The following ROBO1 variants were observed in gnomAD, a reference collection of about 807,000 sequenced individuals.
ROBO1 encodes the protein roundabout guidance receptor 1.
ROBO1 carries 149 observed loss-of-function variants against 195.9 expected under a neutral mutation model. The observed-to-expected ratio is 0.76, with a 90% confidence interval of 0.67 to 0.87. The LOEUF is 0.87. ROBO1 is among the 40% of genes least tolerant of loss of function. The pLI, the probability that ROBO1 is intolerant of heterozygous loss-of-function variation, is 0.00. For missense variants in ROBO1, 1,933 were observed against 2,068.3 expected (o/e 0.93, Z 1.27); for synonymous variants, 816 against 733.2 (o/e 1.11, Z -1.82).
rs187865220 is a variant in ROBO1 at position 79,330,784 on chromosome 3, G to C, written c.89-205245C>G. On this transcript the variant is annotated intron_variant, in intron 2 of 30. Transcript: ENST00000464233. ...GGAAATAAGACATTTTGTAGTTAAAGGGACTGGCCTTATAGTTTGAAACTC... is the reference window on the plus strand; with the variant it reads ...GGAAATAAGACATTTTGTAGTTAAACGGACTGGCCTTATAGTTTGAAACTC... 4.0e-5 allele frequency among the ~76,000 whole-genome samples: 6 copies of C among 151,848 alleles called. 1 individual carries two copies. The highest frequency in any genetic ancestry group is 3.9e-4 in the Admixed American group (6 of 15,248).
chr3:78,615,458 A>G (rs1704059256), intron 27 of ROBO1, among the ~76,000 whole-genome samples: 1 of 152,160 alleles, frequency 6.6e-6, no homozygotes, highest in Admixed American at 6.6e-5. Flanking sequence ...GAAGAGGTAG[A>G]TGTTTGGTTT....
chr3:79,605,185 A>T (rs1022028008), intron 1 of ROBO1, among the ~76,000 whole-genome samples: 1 of 151,754 alleles, frequency 6.6e-6, no homozygotes, highest in Non-Finnish European at 1.5e-5. Flanking sequence ...CTGTTTTCTC[A>T]TATACTCCTT....
At chr3:78,988,180 G>GCT (rs1329888198) in intron 3 of ROBO1, among the ~76,000 whole-genome samples, 1 of 151,924 alleles carries the variant, frequency 6.6e-6, no homozygotes, top group Non-Finnish European at 1.5e-5. Flanking sequence ...TTAAAATCTT[G>GCT]CTCTCTCTCT....
chr3:78,695,631 AAAAAAAAAAAAAG>A (rs2081271298), intron 8 of ROBO1, among the ~76,000 whole-genome samples: 1 of 149,990 alleles, frequency 6.7e-6, no homozygotes, highest in African/African-American at 2.4e-5. Context: ...GTCTCAAAAA[AAAAAAAAAAAAAG>A]AAAAGAAAAC....
At position 79,240,067 on chromosome 3, in the gene ROBO1, C is replaced by A. The variant is rs554527533; in HGVS notation, c.89-114528G>T. ...TTTCTTGTGGTGAGAATATTTAAAG[C>A]CTTTTAGCAATGTTTAGGTATGTAG... On this transcript the variant is annotated intron_variant, in intron 2 of 30. Coordinates refer to ENST00000464233, the MANE Select transcript of ROBO1 (RefSeq NM_002941.4). Among the ~76,000 whole-genome samples, 16 of 152,040 alleles carry A rather than the reference C, an allele frequency of 1.1e-4. No homozygotes were observed. The South Asian group carries it at 3.1e-3, about 30-fold the overall frequency.
At chr3:78,959,449 G>T (rs931198539) in intron 3 of ROBO1, among the ~76,000 whole-genome samples, 1 of 151,906 alleles carries the variant, frequency 6.6e-6, no homozygotes, top group African/African-American at 2.4e-5. Flanking sequence ...AAAACCAGAG[G>T]AATAATAATT....
chr3:79,214,680 C>G (rs1361927949), intron 2 of ROBO1, among the ~76,000 whole-genome samples: 1 of 150,236 alleles, frequency 6.7e-6, no homozygotes, highest in East Asian at 2.0e-4. Context: ...AGTGCTGGTG[C>G]TTTTATTTCT....
Position 78,614,771 on chromosome 3 carries a change from G to C in ROBO1, c.4312C>G (p.Pro1438Ala). ...GTAGACACGGGACTTGTGGGCCTAG[G>C]GCACTGAGACGCATGAAAATGTCGA... is the stretch of plus-strand genomic sequence containing the variant. Reference protein sequence around the residue: ...GRRHFHASQCPRPTSPVSTDS... With the variant: ...GRRHFHASQCARPTSPVSTDS... Residue 1438 changes from proline (P) to alanine (A), a missense_variant, in exon 28 of 31, where the codon CCT becomes GCT. By Grantham distance (27) the Pro-to-Ala change is conservative. This residue lies in a region of ROBO1 where 1,737 missense variants were observed against 1,882.5 expected (regional missense o/e 0.92). Transcript: ENST00000464233. 1.2e-6 allele frequency: 2 copies of C among 1,612,394 alleles called. No homozygotes were observed. The highest frequency in any genetic ancestry group is 1.7e-6 in the Non-Finnish European group (2 of 1,179,504).
intron 3 of ROBO1, among the ~76,000 whole-genome samples, chr3:79,118,269 A>G (rs2080046322): frequency 1.3e-5 from 2 of 151,446 alleles, no homozygotes; most frequent in South Asian, 4.2e-4. Flanking sequence ...TAATGGCAAA[A>G]CCTCAATTAC....
At chr3:79,353,509 A>G (rs2035426584) in intron 2 of ROBO1, among the ~76,000 whole-genome samples, 1 of 152,086 alleles carries the variant, frequency 6.6e-6, no homozygotes, top group South Asian at 2.1e-4. Flanking sequence ...AGTGGCTGCT[A>G]TATTATAAAA....
At chr3:79,221,029 G>A (rs191715797) in intron 2 of ROBO1, among the ~76,000 whole-genome samples, 167 of 152,100 alleles carry the variant, frequency 1.1e-3, no homozygotes, top group African/African-American at 3.9e-3. Context: ...AATGCTTTTG[G>A]GAAGTGGGTG....
chr3:79,330,174 C>T (rs1026162141), intron 2 of ROBO1, among the ~76,000 whole-genome samples: 15 of 150,700 alleles, frequency 1.0e-4, no homozygotes, highest in South Asian at 2.1e-4. Flanking sequence ...GCAGTGGAGG[C>T]GGGGAGGTTT....
chr3:79,117,859 C>T (rs958811885), intron 3 of ROBO1, among the ~76,000 whole-genome samples: 3 of 152,118 alleles, frequency 2.0e-5, no homozygotes, highest in East Asian at 1.9e-4. Flanking sequence ...GAGAAAAATT[C>T]ATCATTGTCC....
intron 2 of ROBO1, among the ~76,000 whole-genome samples, chr3:79,367,123 A>G (rs1399194928): frequency 6.6e-6 from 1 of 152,222 alleles, no homozygotes; most frequent in Non-Finnish European, 1.5e-5. Flanking sequence ...AATTACAGGA[A>G]TTATGTGATT....
chr3:78,961,231 T>C (rs1335788262), intron 3 of ROBO1, among the ~76,000 whole-genome samples: 2 of 152,026 alleles, frequency 1.3e-5, no homozygotes, highest in East Asian at 3.9e-4. Context: ...AATACAACAA[T>C]TGTAAATTTT....
At chr3:78,930,671 T>C (rs189538418) in intron 4 of ROBO1, among the ~76,000 whole-genome samples, 74 of 152,304 alleles carry the variant, frequency 4.9e-4, no homozygotes, top group Admixed American at 2.2e-3. Flanking sequence ...TATTTAACTC[T>C]CTAAAATTAA....
intron 1 of ROBO1, among the ~76,000 whole-genome samples, chr3:79,745,933 G>A (rs763067706): frequency 1.3e-5 from 2 of 151,858 alleles, no homozygotes; most frequent in African/African-American, 2.4e-5. Flanking sequence ...TTCTCTTCAC[G>A]TAAAGGCATA....
chr3:79,360,703 T>C (rs2035736650), intron 2 of ROBO1, among the ~76,000 whole-genome samples: 1 of 152,042 alleles, frequency 6.6e-6, no homozygotes, highest in Non-Finnish European at 1.5e-5. Flanking sequence ...ATTATATAGT[T>C]AGGAAACCTG....
In ROBO1 at chr3:78,685,674, A is replaced by G. The variant is rs1037941005; in HGVS notation, c.1342+72T>C. ...AAAAGGTATAAAGTTGGAAATAAAT[A>G]TATCTACTGGCACCCTCTCTGGATC... On this transcript the variant is annotated intron_variant, in intron 10 of 30. Coordinates refer to ENST00000464233, the MANE Select transcript of ROBO1 (RefSeq NM_002941.4). The G allele has an allele frequency of 1.4e-4, 146 of 1,050,660 alleles. 3 individuals are homozygous for G. The Admixed American group carries it at 2.2e-3, about 16-fold the overall frequency. 65.1% of individuals were successfully genotyped at this position (1,050,660 alleles called of 1,614,324 possible).
Sources: gnomAD v4.1 joint callset for allele counts (sites outside exome capture counted in the v4.1 genomes callset) on GRCh38, gnomAD v4.1.1 for gene constraint, gnomAD v4.1.1 regional missense constraint, MANE v1.5 for transcripts, NCBI Gene and HGNC (gene_info 2026-07-23, HGNC 2026-07-21) for gene names.